The following GRAMD1C variants were observed in gnomAD, a reference collection of about 807,000 sequenced individuals.
The protein encoded by GRAMD1C is GRAM domain containing 1C.
Under a neutral mutation model 97.8 loss-of-function variants are expected in GRAMD1C, and 89 were observed. The ratio of observed to expected loss-of-function variants is 0.91; its 90% CI spans 0.77 to 1.09. The LOEUF (loss-of-function observed/expected upper bound fraction) is 1.09. GRAMD1C is among the 50% of genes least tolerant of loss of function. The probability of loss-of-function intolerance (pLI) is 0.00; values close to 1 mark genes in which losing one functional copy is unlikely to be tolerated. For missense variants in GRAMD1C, 740 were observed against 766.4 expected (o/e 0.97, Z 0.41); for synonymous variants, 256 against 267.0 (o/e 0.96, Z 0.40).
rs758815324 is a variant in GRAMD1C at position 113,875,559 on chromosome 3, A to G, written c.335A>G (p.Tyr112Cys). 3.3e-6 allele frequency: 5 copies of G among 1,508,520 alleles called. No homozygotes were observed. Among genetic ancestry groups the G allele is most frequent in the East Asian group, 2.3e-5 (1 of 44,410 alleles). 93.4% of individuals were successfully genotyped at this position (1,508,520 alleles called of 1,614,324 possible). A position where few individuals can be genotyped will look rare whatever the true frequency, so the allele number is the denominator to read the frequency against. ...CTTTCAGAAAACTGGCTATGTTTCTATAGCAACATCTTCAGATGGGAAACT... is the reference window on the plus strand; with the variant it reads ...CTTTCAGAAAACTGGCTATGTTTCTGTAGCAACATCTTCAGATGGGAAACT... ...LYLSENWLCFYSNIFRWETTI... is the reference protein window; with the variant it reads ...LYLSENWLCFCSNIFRWETTI... The change falls in exon 4 of 18, where the codon TAT (tyrosine) becomes TGT (cysteine). Residue 112 changes from tyrosine to cysteine, a missense_variant. Transcript: ENST00000358160.
Position 113,940,224 on chromosome 3 carries a change from G to A in GRAMD1C, c.1803-16G>A, listed in dbSNP as rs1437386927. ...AAGCTATTCTCCAGATTTTGAAGAT[G>A]GCATTTTTCTTTCAGTTTAGCCTCT... On this transcript the variant is annotated splice_polypyrimidine_tract_variant and intron_variant, in intron 16 of 17. Transcript: ENST00000358160. 3 of 1,368,686 alleles carry A rather than the reference G, an allele frequency of 2.2e-6. No homozygotes were observed. Among genetic ancestry groups the A allele is most frequent in the Non-Finnish European group, 3.1e-6 (3 of 959,134 alleles). 84.8% of individuals were successfully genotyped at this position (1,368,686 alleles called of 1,614,324 possible). A position where few individuals can be genotyped will look rare whatever the true frequency, so the allele number is the denominator to read the frequency against.
chr3:113,878,145 C>A (rs2566977), intron 5 of GRAMD1C, among the ~76,000 whole-genome samples: 120,133 of 152,162 alleles, frequency 0.79, 47,613 homozygotes, highest in Middle Eastern at 0.89. Context: ...TTATTCATTC[C>A]TTTACTTATG....
chr3:113,932,395 G>A (rs1344917802), intron 11 of GRAMD1C, among the ~76,000 whole-genome samples: 10 of 152,156 alleles, frequency 6.6e-5, no homozygotes, highest in Admixed American at 6.5e-4. Context: ...AGGTAGAAAA[G>A]GTATGGTTAA....
At chr3:113,923,400 C>T (rs555417166) in intron 10 of GRAMD1C, among the ~76,000 whole-genome samples, 4 of 152,080 alleles carry the variant, frequency 2.6e-5, no homozygotes, top group East Asian at 3.9e-4. Context: ...GTTGGCTGTG[C>T]GGTTTGTCAT....
intron 9 of GRAMD1C, among the ~76,000 whole-genome samples, chr3:113,912,692 C>T (rs1036620373): frequency 5.3e-5 from 8 of 151,870 alleles, no homozygotes; most frequent in African/African-American, 1.9e-4. Context: ...TATGATCACA[C>T]CATTGCACTC....
intron 5 of GRAMD1C, among the ~76,000 whole-genome samples, chr3:113,881,241 G>A (rs992691765): frequency 1.3e-5 from 2 of 152,122 alleles, no homozygotes; most frequent in Non-Finnish European, 2.9e-5. Flanking sequence ...TGCAACCTCC[G>A]CCTCCCGGGT....
At chr3:113,845,913 G>A (rs1577118280) in intron 2 of GRAMD1C, among the ~76,000 whole-genome samples, 1 of 151,680 alleles carries the variant, frequency 6.6e-6, no homozygotes, top group African/African-American at 2.4e-5. Flanking sequence ...TGACTAAAAC[G>A]TTTGATTTCC....
intron 2 of GRAMD1C, among the ~76,000 whole-genome samples, chr3:113,857,226 G>T (rs367705739): frequency 6.6e-6 from 1 of 152,018 alleles, no homozygotes; most frequent in Non-Finnish European, 1.5e-5. Context: ...AACTTCCAAC[G>T]CTATGTTGAA....
intron 6 of GRAMD1C, among the ~76,000 whole-genome samples, chr3:113,891,508 C>T (rs1251889733): frequency 2.0e-5 from 3 of 151,996 alleles, no homozygotes; most frequent in African/African-American, 7.3e-5. Flanking sequence ...AAAAAACCCT[C>T]ATAAAATATA....
rs1938097953 is a variant in GRAMD1C, at chr3:113,946,633, A to G, written c.*1155A>G. 1 of 152,196 alleles carries G rather than the reference A, an allele frequency of 6.6e-6. No individual in the cohort carries two copies. Among genetic ancestry groups the G allele is most frequent in the Admixed American group, 6.5e-5 (1 of 15,292 alleles). 9.4% of individuals were successfully genotyped at this position (152,196 alleles called of 1,614,324 possible). A position where few individuals can be genotyped will look rare whatever the true frequency, so the allele number is the denominator to read the frequency against. The stretch of plus-strand genomic sequence containing the variant: ...AAGTGTTTTACTGTTTTGTCTCTTG[A>G]GCCCTTTCTCTGGGGAAAAAATACA... On this transcript the variant is annotated 3_prime_UTR_variant, in exon 18 of 18. Coordinates refer to ENST00000358160, the MANE Select transcript of GRAMD1C (RefSeq NM_017577.5).
Position 113,938,096 on chromosome 3 carries a change from G to C in GRAMD1C, c.1644G>C (p.Lys548Asn), listed in dbSNP as rs1238999667. 6.6e-7 allele frequency: 1 copy of C among 1,524,560 alleles called. No homozygotes were observed. The highest frequency in any genetic ancestry group is 9.0e-7 in the Non-Finnish European group (1 of 1,112,226). 94.4% of individuals were successfully genotyped at this position (1,524,560 alleles called of 1,614,324 possible). ...GAKGDITGKK[K>N]EMENYNVTLI... ...TCTTGTGATCTACAGGAAAGAAAAA[G>C]GAAATGGAAAACTATAACGTCACTC... Residue 548 changes from lysine to asparagine, a missense_variant, in exon 15 of 18, where the codon AAG becomes AAC. Lys to Asn is a moderately conservative substitution (Grantham distance 94, BLOSUM62 0). Transcript: ENST00000358160.
At chr3:113,878,561 T>A (rs1935138593) in intron 5 of GRAMD1C, among the ~76,000 whole-genome samples, 1 of 152,202 alleles carries the variant, frequency 6.6e-6, no homozygotes, top group African/African-American at 2.4e-5. Flanking sequence ...CACTCACTTA[T>A]ACATCTGTTT....
chr3:113,830,416 C>G (rs1038330876), intron 1 of GRAMD1C, among the ~76,000 whole-genome samples: 1 of 152,150 alleles, frequency 6.6e-6, no homozygotes, highest in Non-Finnish European at 1.5e-5. Context: ...TCAGGCTGCT[C>G]TTTGTTAGAA....
At chr3:113,900,645 C>T (rs1936133872) in intron 6 of GRAMD1C, among the ~76,000 whole-genome samples, 1 of 150,802 alleles carries the variant, frequency 6.6e-6, no homozygotes. Flanking sequence ...CCAGGATGGT[C>T]TCGATCTCTT....
Position 113,876,149 on chromosome 3 carries a change from T to A in GRAMD1C, c.364-16T>A, listed in dbSNP as rs749251953. On this transcript the variant is annotated splice_polypyrimidine_tract_variant and intron_variant, in intron 4 of 17. Transcript: ENST00000358160. ...GTTTCTGAAAAATACATTAAAAAAA[T>A]TTTTTGTGTGTTTAGATTTCTATTG... 12 of 1,297,490 alleles carry A rather than the reference T, an allele frequency of 9.2e-6. No homozygotes were observed. Among genetic ancestry groups the A allele is most frequent in the South Asian group, 1.2e-5 (1 of 80,424 alleles). 80.4% of individuals were successfully genotyped at this position (1,297,490 alleles called of 1,614,324 possible).
At chr3:113,890,951 T>C (rs531277853) in intron 6 of GRAMD1C, 2 of 504,876 alleles carry the variant, frequency 4.0e-6, no homozygotes, top group East Asian at 3.1e-5. Context: ...CTGCATTTAC[T>C]GGCTGGAAGT....
chr3:113,893,599 T>G (rs534677919), intron 6 of GRAMD1C, among the ~76,000 whole-genome samples: 1 of 152,350 alleles, frequency 6.6e-6, no homozygotes, highest in Non-Finnish European at 1.5e-5. Flanking sequence ...AAGGACCATG[T>G]CTGTCTTGTT....
At chr3:113,935,183 C>G (rs780781806) in intron 13 of GRAMD1C, among the ~76,000 whole-genome samples, 6 of 152,030 alleles carry the variant, frequency 3.9e-5, no homozygotes, top group Non-Finnish European at 7.4e-5. Flanking sequence ...AAAATTGAAA[C>G]ACAGAGAGGT....
chr3:113,891,243 TCAAAACTATC>T (rs1212437657), intron 6 of GRAMD1C, among the ~76,000 whole-genome samples: 2 of 152,202 alleles, frequency 1.3e-5, no homozygotes, highest in African/African-American at 4.8e-5. Context: ...GATCTCAGTT[TCAAAACTATC>T]CTAAATGGAA....
Sources: allele counts gnomAD v4.1 joint callset (sites outside exome capture counted in the v4.1 genomes callset), GRCh38; gene constraint gnomAD v4.1.1; transcripts MANE v1.5; gene names NCBI Gene and HGNC (gene_info 2026-07-23, HGNC 2026-07-21).